Variants in PSMA2 observed in about 807,000 individuals in gnomAD.
The protein encoded by PSMA2 is proteasome 20S subunit alpha 2.
In PSMA2, 2 loss-of-function variants were observed where a neutral mutation model predicts 35.9. The ratio of observed to expected loss-of-function variants is 0.06; its 90% CI spans 0.02 to 0.18. PSMA2 has a LOEUF of 0.18. PSMA2 is among the 10% of genes least tolerant of loss of function. The probability of loss-of-function intolerance (pLI) is 1.00; values close to 1 mark genes in which losing one functional copy is unlikely to be tolerated. For synonymous variants in PSMA2, 97 were observed against 98.2 expected, an observed-to-expected ratio of 0.99 and a Z score of 0.07; for missense variants, 126 against 278.8, an observed-to-expected ratio of 0.45 and a Z score of 3.90.
In PSMA2 at chr7:42,924,794, C is replaced by T. The variant is rs2128674280; in HGVS notation, c.255G>A (p.Val85=). The T allele has an allele frequency of 6.2e-7, 1 of 1,608,612 alleles. No individual in the cohort carries two copies. The highest frequency in any genetic ancestry group is 2.2e-5 in the East Asian group (1 of 44,742). Residue 85 remains valine (V), a synonymous_variant, in exon 4 of 8, where the codon GTG becomes GTA. Transcript: ENST00000223321. ...VYSGMGPDYR[V]LVHRARKLAQ... ...CTAGTTTTCGAGCTCTGTGCACAAG[C>T]ACTCTAACAAGGAAAAAATAAGATT...
intron 6 of PSMA2, chr7:42,918,568 C>T (rs1786069636): frequency 1.3e-5 from 2 of 152,164 alleles, no homozygotes; most frequent in African/African-American, 4.8e-5. Context: ...TCACCCTTCC[C>T]AGACTCCCCA....
intron 5 of PSMA2, 133 bp downstream of exon 5, chr7:42,923,192 C>A: frequency 1.4e-6 from 1 of 704,698 alleles, no homozygotes; most frequent in Non-Finnish European, 2.4e-6. Flanking sequence ...AAATGCACAA[C>A]CTCATACTTT....
intron 6 of PSMA2, chr7:42,919,819 A>C (rs1271002869): frequency 1.8e-5 from 13 of 710,254 alleles, no homozygotes; most frequent in Non-Finnish European, 2.6e-5. Flanking sequence ...GAAGAATTAG[A>C]ATCCTACAAA....
chr7:42,924,848 G>GT (rs1786183459), intron 3 of PSMA2, 51 bp from the exon 4 acceptor site: 3 of 1,545,590 alleles, frequency 1.9e-6, no homozygotes, highest in Non-Finnish European at 2.6e-6. Flanking sequence ...TCTACTACCT[G>GT]AAGACTCATT....
chr7:42,930,206 AACACACACACACACACACGCACACACAC>A (rs1359054094), intron 1 of PSMA2, among the ~76,000 whole-genome samples: 71 of 149,324 alleles, frequency 4.8e-4, no homozygotes, highest in Admixed American at 8.7e-4. Context: ...ACCATGTTAA[AACACACACACACACACACGCACACACAC>A]ACACACACAC....
intron 4 of PSMA2, among the ~76,000 whole-genome samples, chr7:42,924,154 GC>G (rs1490709019): frequency 6.7e-6 from 1 of 149,622 alleles, no homozygotes; most frequent in Non-Finnish European, 1.5e-5. Context: ...AACCAGCCTG[GC>G]CAACATAGTG....
At chr7:42,923,736 C>T (rs967774547) in intron 4 of PSMA2, among the ~76,000 whole-genome samples, 2 of 151,934 alleles carry the variant, frequency 1.3e-5, no homozygotes, top group Non-Finnish European at 2.9e-5. Context: ...TTACCTATTA[C>T]AAAATGACAA....
chr7:42,924,716 T>C lies in PSMA2; in HGVS notation c.333A>G (p.Val111=). The C allele has an allele frequency of 6.2e-7, 1 of 1,613,382 alleles. No homozygotes were observed. Among genetic ancestry groups the C allele is most frequent in the Non-Finnish European group, 8.5e-7 (1 of 1,179,496 alleles). ...YQEPIPTAQL[V]QRVASVMQEY... Reference sequence around the variant, plus strand: ...CTTGCATCACAGAAGCTACTCTCTGTACCAGCTGAGCTGTAGGAATGGGTT... The same window carrying C: ...CTTGCATCACAGAAGCTACTCTCTGCACCAGCTGAGCTGTAGGAATGGGTT... The change falls in exon 4 of 8, where the codon GTA becomes GTG. Residue 111 remains valine (V), a synonymous_variant. Coordinates refer to ENST00000223321, the MANE Select transcript of PSMA2 (RefSeq NM_002787.5).
chr7:42,925,395 GTTACT>G (rs1451021428), intron 3 of PSMA2, among the ~76,000 whole-genome samples: 3 of 152,178 alleles, frequency 2.0e-5, no homozygotes, highest in South Asian at 2.1e-4. Flanking sequence ...AAGACCCTGG[GTTACT>G]TTAAAGAGAA....
At chr7:42,929,551 T>C (rs1786263911) in intron 1 of PSMA2, among the ~76,000 whole-genome samples, 1 of 152,224 alleles carries the variant, frequency 6.6e-6, no homozygotes, top group Non-Finnish European at 1.5e-5. Flanking sequence ...ATAATGCCAC[T>C]ATCCCATTCC....
chr7:42,923,877 G>A (rs545657473), intron 4 of PSMA2, among the ~76,000 whole-genome samples: 1 of 151,992 alleles, frequency 6.6e-6, no homozygotes, highest in South Asian at 2.1e-4. Flanking sequence ...TTTCCACTAG[G>A]TTTACCTATT....
intron 3 of PSMA2, among the ~76,000 whole-genome samples, chr7:42,925,510 G>C (rs1449138957): frequency 1.2e-4 from 18 of 152,132 alleles, no homozygotes. Flanking sequence ...TACTATACAG[G>C]AACTGGGCAT....
intron 5 of PSMA2, among the ~76,000 whole-genome samples, chr7:42,922,332 G>A (rs540370194): frequency 1.3e-5 from 2 of 152,162 alleles, no homozygotes; most frequent in South Asian, 4.1e-4. Flanking sequence ...AGACTGAAGC[G>A]ATTTAAAAAT....
chr7:42,927,891 G>T (rs1786237810), intron 1 of PSMA2, among the ~76,000 whole-genome samples: 1 of 136,354 alleles, frequency 7.3e-6, no homozygotes, highest in Admixed American at 7.7e-5. Context: ...GGGCAACAAG[G>T]CCGAAACCTC....
chr7:42,923,243 A>G, intron 5 of PSMA2, 82 bp downstream of exon 5: 4 of 1,066,418 alleles, frequency 3.8e-6, no homozygotes, highest in Non-Finnish European at 5.6e-6. Context: ...GCTAAATTGT[A>G]AAGTTTTTAT....
chr7:42,924,650 A>G lies in PSMA2; in HGVS notation c.374+25T>C, dbSNP rs1387206364. The G allele has an allele frequency of 5.6e-6, 9 of 1,600,398 alleles. No homozygotes were observed. The African/African-American group carries it at 1.2e-4, about 22-fold the overall frequency. ...AACTTCCCCCTACAATTCATGGCAC[A>G]TTTCAAGTAAAAAAAGCAACTTACC... is the stretch of plus-strand genomic sequence containing the variant. On this transcript the variant is annotated intron_variant, in intron 4 of 7. Transcript: ENST00000223321.
Position 42,926,580 on chromosome 7 carries a change from G to A in PSMA2, c.207C>T (p.Thr69=), listed in dbSNP as rs1354945026. The part of the protein sequence containing the change: ...ERSVHKVEPI[T]KHIGLVYSGM... ...CACTGTACACCAAACCTATATGCTT[G>A]GTAATTGGTTCTACTTTGTGTACAC... is the stretch of plus-strand genomic sequence containing the variant. The change falls in exon 3 of 8, where the codon ACC becomes ACT. Residue 69 remains threonine (T), a synonymous_variant. Coordinates refer to ENST00000223321, the MANE Select transcript of PSMA2 (RefSeq NM_002787.5). 4 of 1,609,618 alleles carry A rather than the reference G, an allele frequency of 2.5e-6. No homozygotes were observed. The highest frequency in any genetic ancestry group is 1.7e-6 in the Non-Finnish European group (2 of 1,178,640).
Position 42,917,861 on chromosome 7 carries a change from A to T in PSMA2, c.531-26T>A, listed in dbSNP as rs765286267. On this transcript the variant is annotated intron_variant, in intron 6 of 7. Coordinates refer to ENST00000223321, the MANE Select transcript of PSMA2 (RefSeq NM_002787.5). ...CTGAAGAATTTAAAAAAAATTACTT[A>T]TATCATTGTTTATATTCTTTATAAC... 3 of 1,409,262 alleles carry T rather than the reference A, an allele frequency of 2.1e-6. No homozygotes were observed. The Admixed American group carries it at 6.5e-5, about 30-fold the overall frequency. The allele number at this position is 1,409,262 out of a possible 1,614,324, so 87.3% of individuals were successfully genotyped here. A position where few individuals can be genotyped will look rare whatever the true frequency, so the allele number is the denominator to read the frequency against.
At chr7:42,922,194 A>G (rs980707375) in intron 5 of PSMA2, among the ~76,000 whole-genome samples, 1 of 152,176 alleles carries the variant, frequency 6.6e-6, no homozygotes, top group Non-Finnish European at 1.5e-5. Context: ...GCATTTACAT[A>G]TATCAGAACT....
Sources: allele counts gnomAD v4.1 joint callset (sites outside exome capture counted in the v4.1 genomes callset), GRCh38; gene constraint gnomAD v4.1.1; transcripts MANE v1.5; gene names NCBI Gene and HGNC (gene_info 2026-07-23, HGNC 2026-07-21).